The following RNF213 variants were observed in gnomAD, a reference collection of about 807,000 sequenced individuals.
The protein encoded by RNF213 is E3 ubiquitin-protein ligase RNF213.
Under a neutral mutation model 514.4 loss-of-function variants are expected in RNF213, and 341 were observed. That is an observed-to-expected ratio of 0.66 (90% confidence interval 0.61 to 0.73). The LOEUF (loss-of-function observed/expected upper bound fraction) is 0.73, where lower values mean the gene tolerates loss of function less well. RNF213 is among the 30% of genes least tolerant of loss of function. The probability of loss-of-function intolerance (pLI) is 0.00; values close to 1 mark genes in which losing one functional copy is unlikely to be tolerated. For missense variants in RNF213, 5,767 were observed against 6,615.6 expected (o/e 0.87, Z 4.45); for synonymous variants, 2,655 against 2,658.2 (o/e 1.00, Z 0.04).
At position 80,269,429 on chromosome 17, in the gene RNF213, ATCTAT is replaced by A. The variant is rs1370763629; in HGVS notation, c.98-3806_98-3802del. The stretch of plus-strand genomic sequence containing the variant: ...CATCTATCCATCCATCCATCCATTC[ATCTAT>A]TCTATCTATCCATCCATCTATTCAT... On this transcript the variant is annotated intron_variant, in intron 2 of 67. Transcript: ENST00000582970. Among the ~76,000 whole-genome samples, 13 of 148,104 alleles carry A rather than the reference ATCTAT, an allele frequency of 8.8e-5. No individual in the cohort carries two copies. In the East Asian group the frequency reaches 1.2e-3, roughly 14 times the overall value.
At position 80,348,253 on chromosome 17, in the gene RNF213, G is replaced by C. The variant is rs114370278; in HGVS notation, c.9918G>C (p.Thr3306=). The C allele has an allele frequency of 2.5e-6, 4 of 1,613,774 alleles. No homozygotes were observed. The highest frequency in any genetic ancestry group is 3.4e-6 in the Non-Finnish European group (4 of 1,180,034). The part of the protein sequence containing the change: ...FADFLQAHLH[T]ADLERHAIFT... ...ATTTCCTTCAGGCACACCTGCACAC[G>C]GCAGACCTGGAGCGCCACGCCATCT... Residue 3306 remains threonine (T), a synonymous_variant, in exon 29 of 68, where the codon ACG becomes ACC. Coordinates refer to ENST00000582970, the MANE Select transcript of RNF213 (RefSeq NM_001256071.3).
intron 42 of RNF213, among the ~76,000 whole-genome samples, chr17:80,366,220 C>T (rs909446140): frequency 6.6e-6 from 1 of 152,178 alleles, no homozygotes; most frequent in South Asian, 2.1e-4. Context: ...ACGGGTGGGA[C>T]TGCGGGCATG....
chr17:80,299,311 C>A (rs893984819), intron 11 of RNF213, among the ~76,000 whole-genome samples: 1 of 152,130 alleles, frequency 6.6e-6, no homozygotes, highest in African/African-American at 2.4e-5. Flanking sequence ...GTTTTTTCAG[C>A]GTGCTTTCAT....
intron 20 of RNF213, among the ~76,000 whole-genome samples, chr17:80,331,079 A>G (rs1837644720): frequency 6.6e-6 from 1 of 152,154 alleles, no homozygotes; most frequent in Admixed American, 6.5e-5. Flanking sequence ...TCAGCCTCCC[A>G]AAGTGCTGGG....
At chr17:80,311,032 C>G (rs558883663) in intron 14 of RNF213, among the ~76,000 whole-genome samples, 2 of 152,118 alleles carry the variant, frequency 1.3e-5, no homozygotes, top group African/African-American at 4.8e-5. Context: ...CTATTTAAAC[C>G]GCCACAGGCA....
At chr17:80,358,857 C>T (rs541110402) in intron 37 of RNF213, among the ~76,000 whole-genome samples, 2 of 152,076 alleles carry the variant, frequency 1.3e-5, no homozygotes, top group Admixed American at 6.5e-5. Flanking sequence ...TGCAGTGAGC[C>T]GAGATGGCGC....
chr17:80,358,993 G>A (rs1313877460), intron 37 of RNF213, among the ~76,000 whole-genome samples: 1 of 152,186 alleles, frequency 6.6e-6, no homozygotes. Context: ...TCAGAGCACT[G>A]GTTCTAGCCA....
At chr17:80,379,928 C>A in intron 55 of RNF213, 1 of 589,734 alleles carries the variant, frequency 1.7e-6, no homozygotes, top group Non-Finnish European at 3.1e-6. Context: ...AAATGCAAAG[C>A]AGGCTACCCT....
At chr17:80,297,689 A>G (rs2045008925) in intron 10 of RNF213, among the ~76,000 whole-genome samples, 1 of 150,996 alleles carries the variant, frequency 6.6e-6, no homozygotes, top group African/African-American at 2.4e-5. Context: ...CGGGAGGCTG[A>G]GGCAGGAGAA....
In RNF213 at chr17:80,393,692, A is replaced by T; in HGVS notation, c.*194A>T. Reference sequence around the variant, plus strand: ...AAGCCGAGCTGTTTCTGAACCATGTACATACATGTTCTGAAACTTTCTCAT... The same window carrying T: ...AAGCCGAGCTGTTTCTGAACCATGTTCATACATGTTCTGAAACTTTCTCAT... On this transcript the variant is annotated 3_prime_UTR_variant, in exon 68 of 68. Transcript: ENST00000582970. The T allele has an allele frequency of 1.0e-5, 6 of 582,182 alleles. 1 individual carries two copies. The South Asian group carries it at 1.2e-4, about 12-fold the overall frequency. 36.1% of individuals were successfully genotyped at this position (582,182 alleles called of 1,614,324 possible). A position where few individuals can be genotyped will look rare whatever the true frequency, so the allele number is the denominator to read the frequency against.
rs369947979 is a variant in RNF213 at position 80,348,007 on chromosome 17, C to T, written c.9672C>T (p.Asp3224=). Residue 3224 remains aspartate, a synonymous_variant, in exon 29 of 68, where the codon GAC becomes GAT. Coordinates refer to ENST00000582970, the MANE Select transcript of RNF213 (RefSeq NM_001256071.3). ...PSDVFIGYHS[D]ACASVVLQVI... Reference sequence around the variant, plus strand: ...ACGTCTTCATCGGCTACCACTCGGACGCCTGCGCGTCTGTGGTGCTGCAGG... The same window carrying T: ...ACGTCTTCATCGGCTACCACTCGGATGCCTGCGCGTCTGTGGTGCTGCAGG... 7.6e-5 allele frequency: 123 copies of T among 1,614,214 alleles called. No homozygotes were observed. The highest frequency in any genetic ancestry group is 5.9e-4 in the South Asian group (54 of 91,090).
At chr17:80,292,987 C>G (rs1266966625) in intron 8 of RNF213, among the ~76,000 whole-genome samples, 1 of 152,222 alleles carries the variant, frequency 6.6e-6, no homozygotes. Flanking sequence ...GTCCCTGTCA[C>G]TCCACCTTGG....
chr17:80,334,551 C>T (rs552795184), intron 22 of RNF213, among the ~76,000 whole-genome samples: 6 of 152,072 alleles, frequency 3.9e-5, no homozygotes, highest in African/African-American at 1.2e-4. Context: ...AAATCTTGCC[C>T]CCTTCAGCTT....
At chr17:80,262,163 T>G (rs1025523266) in intron 1 of RNF213, among the ~76,000 whole-genome samples, 27 of 151,954 alleles carry the variant, frequency 1.8e-4, no homozygotes, top group Middle Eastern at 6.8e-3. Context: ...CACTGGTGGT[T>G]GTTTCAGGTA....
chr17:80,296,722 C>T (rs1027249058), intron 10 of RNF213, among the ~76,000 whole-genome samples: 1 of 152,152 alleles, frequency 6.6e-6, no homozygotes, highest in South Asian at 2.1e-4. Context: ...TTACTCTGTT[C>T]CCCCAGTCTG....
chr17:80,362,183 G>A (rs1296396412), intron 39 of RNF213, among the ~76,000 whole-genome samples: 2 of 152,046 alleles, frequency 1.3e-5, no homozygotes, highest in Admixed American at 6.6e-5. Flanking sequence ...AGTTTCTCTT[G>A]AAAAAAATTA....
chr17:80,319,762 A>C (rs952517954), intron 17 of RNF213: 6 of 1,296,148 alleles, frequency 4.6e-6, no homozygotes, highest in Middle Eastern at 3.1e-4. Context: ...TTTTCGGCAA[A>C]GGGGAAGAGA....
intron 12 of RNF213, 145 bp from the exon 13 acceptor site, chr17:80,306,983 G>T: frequency 1.3e-6 from 1 of 786,186 alleles, no homozygotes; most frequent in Non-Finnish European, 2.3e-6. Context: ...GGTAAGATTA[G>T]TATGTGAGCA....
chr17:80,372,193 A>G (rs1036026006), intron 47 of RNF213, among the ~76,000 whole-genome samples: 11 of 152,258 alleles, frequency 7.2e-5, no homozygotes, highest in African/African-American at 2.7e-4. Context: ...AGAACAGCCT[A>G]GGAGAATATA....
Sources: gnomAD v4.1 joint callset for allele counts (sites outside exome capture counted in the v4.1 genomes callset) on GRCh38, gnomAD v4.1.1 for gene constraint, MANE v1.5 for transcripts, NCBI Gene and HGNC (gene_info 2026-07-23, HGNC 2026-07-21) for gene names.